Variants in CELF4 observed in about 807,000 individuals in gnomAD.
CELF4 encodes the protein CUG-BP- and ETR-3-like factor 4.
In CELF4, 18 loss-of-function variants were observed where a neutral mutation model predicts 59.9. The ratio of observed to expected loss-of-function variants is 0.30; its 90% CI spans 0.21 to 0.45. CELF4 has a LOEUF of 0.45. Among genes scored for constraint, CELF4 ranks in the 20% least tolerant of loss-of-function variants. The pLI is 1.00. For synonymous variants in CELF4, 261 were observed against 267.1 expected (o/e 0.98, Z 0.22); for missense variants, 456 against 689.0 (o/e 0.66, Z 3.79).
chr18:37,405,140 C>T (rs2099369595), intron 2 of CELF4, among the ~76,000 whole-genome samples: 1 of 151,980 alleles, frequency 6.6e-6, no homozygotes, highest in Admixed American at 6.5e-5. Flanking sequence ...CCAGCTATTC[C>T]TCATAGGACA....
intron 4 of CELF4, 81 bp downstream of exon 4, chr18:37,275,034 C>G (rs892367916): frequency 1.3e-5 from 21 of 1,560,718 alleles, no homozygotes; most frequent in East Asian, 2.3e-5. Flanking sequence ...GCGATGGCCC[C>G]GGAGACTCAG....
intron 2 of CELF4, among the ~76,000 whole-genome samples, chr18:37,352,683 C>T (rs1185144978): frequency 6.6e-6 from 1 of 152,134 alleles, no homozygotes; most frequent in Non-Finnish European, 1.5e-5. Context: ...TTCCCTTCAT[C>T]ACTATTCTCA....
intron 2 of CELF4, among the ~76,000 whole-genome samples, chr18:37,367,365 G>A (rs778557611): frequency 2.0e-5 from 3 of 152,168 alleles, no homozygotes; most frequent in Middle Eastern, 3.4e-3. Context: ...GAGACAGTTC[G>A]TTTGGGGCCA....
intron 2 of CELF4, among the ~76,000 whole-genome samples, chr18:37,384,340 C>T (rs542919055): frequency 3.9e-5 from 6 of 152,236 alleles, no homozygotes; most frequent in African/African-American, 1.2e-4. Flanking sequence ...ACATTAATAT[C>T]TGTCTTCAGG....
rs190578849 is a variant in CELF4 at position 37,259,167 on chromosome 18, G to C, written c.1333+14C>G. 1 of 1,613,652 alleles carries C rather than the reference G, an allele frequency of 6.2e-7. No individual in the cohort carries two copies. Among genetic ancestry groups the C allele is most frequent in the Admixed American group, 1.7e-5 (1 of 59,972 alleles). On this transcript the variant is annotated intron_variant, in intron 11 of 12. Coordinates refer to ENST00000420428, the MANE Select transcript of CELF4 (RefSeq NM_020180.4). ...TCGCCCGATCCACAAACACTTTCGA[G>C]GAGATGACATTACCGAAAGGGAGGA...
intron 2 of CELF4, among the ~76,000 whole-genome samples, chr18:37,353,658 G>C (rs2154555864): frequency 6.8e-6 from 1 of 146,740 alleles, no homozygotes; most frequent in Middle Eastern, 3.5e-3. Context: ...GAAAGGTGGG[G>C]GACTGGGGAT....
chr18:37,332,878 C>T (rs1206786223), intron 2 of CELF4, among the ~76,000 whole-genome samples: 6 of 152,230 alleles, frequency 3.9e-5, no homozygotes, highest in Non-Finnish European at 2.9e-5. Context: ...GCAGAGGGCT[C>T]TTTGTCTCCA....
At position 37,557,695 on chromosome 18, in the gene CELF4, G is replaced by A. The variant is rs538165308; in HGVS notation, c.286+7661C>T. Among the ~76,000 whole-genome samples, 10 of 152,282 alleles carry A rather than the reference G, an allele frequency of 6.6e-5. No individual in the cohort carries two copies. The East Asian group carries it at 1.9e-3, about 29-fold the overall frequency. On this transcript the variant is annotated intron_variant, in intron 1 of 12. Transcript: ENST00000420428. Reference sequence around the variant, plus strand: ...GCCTTCGGAAGTCTCTGTCAATTAAGCTCTTGTAGGAAGCCAGTTCATTAT... The same window carrying A: ...GCCTTCGGAAGTCTCTGTCAATTAAACTCTTGTAGGAAGCCAGTTCATTAT...
At chr18:37,313,987 C>T (rs933814203) in intron 3 of CELF4, among the ~76,000 whole-genome samples, 2 of 152,224 alleles carry the variant, frequency 1.3e-5, no homozygotes, top group Non-Finnish European at 2.9e-5. Context: ...CTAAAGGCTG[C>T]AGGAACGCTG....
At chr18:37,405,491 G>C (rs959973660) in intron 2 of CELF4, among the ~76,000 whole-genome samples, 6 of 152,272 alleles carry the variant, frequency 3.9e-5, no homozygotes, top group Admixed American at 6.5e-5. Context: ...TCTGCCCCGG[G>C]ATGCAGGAGA....
chr18:37,365,512 G>C (rs1233586474), intron 2 of CELF4, among the ~76,000 whole-genome samples: 1 of 130,978 alleles, frequency 7.6e-6, no homozygotes, highest in Admixed American at 8.5e-5. Context: ...TTGAGATGGA[G>C]TCTTGTTCTG....
At chr18:37,372,469 C>T (rs1055199074) in intron 2 of CELF4, among the ~76,000 whole-genome samples, 4 of 152,018 alleles carry the variant, frequency 2.6e-5, no homozygotes, top group African/African-American at 4.8e-5. Context: ...CATCACACAC[C>T]GGGGCCTGTC....
chr18:37,483,842 T>C (rs936834281), intron 2 of CELF4, among the ~76,000 whole-genome samples: 5 of 152,252 alleles, frequency 3.3e-5, no homozygotes, highest in African/African-American at 1.2e-4. Flanking sequence ...ATGTGACCTT[T>C]AATGTAATTA....
chr18:37,492,459 A>T (rs1219381390), intron 1 of CELF4, among the ~76,000 whole-genome samples: 1 of 152,100 alleles, frequency 6.6e-6, no homozygotes, highest in Non-Finnish European at 1.5e-5. Flanking sequence ...AGGGAGGGAA[A>T]GTCCACCAGC....
intron 3 of CELF4, among the ~76,000 whole-genome samples, chr18:37,298,056 C>T (rs1194502279): frequency 6.6e-6 from 1 of 152,234 alleles, no homozygotes. Flanking sequence ...AAGGGATCTG[C>T]TGGCCTCAGC....
At chr18:37,405,692 G>T (rs934285332) in intron 2 of CELF4, among the ~76,000 whole-genome samples, 1 of 152,206 alleles carries the variant, frequency 6.6e-6, no homozygotes, top group Non-Finnish European at 1.5e-5. Flanking sequence ...AGAACCTGTG[G>T]CTATGTTCTT....
chr18:37,511,243 C>T (rs913451773), intron 1 of CELF4, among the ~76,000 whole-genome samples: 1 of 152,146 alleles, frequency 6.6e-6, no homozygotes, highest in Non-Finnish European at 1.5e-5. Context: ...CATCAGCTGC[C>T]CTCCACAGGC....
intron 2 of CELF4, among the ~76,000 whole-genome samples, chr18:37,470,454 G>T (rs1255001951): frequency 6.6e-6 from 1 of 152,154 alleles, no homozygotes; most frequent in Non-Finnish European, 1.5e-5. Flanking sequence ...GTCCTCCCCA[G>T]GTCTTCTGAA....
intron 2 of CELF4, among the ~76,000 whole-genome samples, chr18:37,408,598 C>T (rs1178126006): frequency 6.6e-6 from 1 of 151,644 alleles, no homozygotes; most frequent in East Asian, 1.9e-4. Context: ...TGATTCTTCC[C>T]GTTTCCTAGA....
Sources: gnomAD v4.1 joint callset for allele counts (sites outside exome capture counted in the v4.1 genomes callset) on GRCh38, gnomAD v4.1.1 for gene constraint, MANE v1.5 for transcripts, NCBI Gene and HGNC (gene_info 2026-07-23, HGNC 2026-07-21) for gene names.